Variants in MAP3K15 observed in about 807,000 individuals in gnomAD.
The protein encoded by MAP3K15 is mitogen-activated protein kinase kinase kinase 15, also known as MAPK/ERK kinase kinase 15.
A neutral mutation model predicts 99.5 loss-of-function variants in MAP3K15; 124 were observed. That is an observed-to-expected ratio of 1.25 (90% CI 1.08 to 1.45). The LOEUF (loss-of-function observed/expected upper bound fraction) is 1.45, where lower values mean the gene tolerates loss of function less well. Ranked by LOEUF, MAP3K15 falls within the 40% of genes most tolerant of loss-of-function variation. MAP3K15 has a pLI of 0.00. For missense variants in MAP3K15, 1,242 were observed against 1,079.7 expected (o/e 1.15, Z -2.11); for synonymous variants, 494 against 439.6 (o/e 1.12, Z -1.55).
intron 6 of MAP3K15, among the ~76,000 whole-genome samples, chrX:19,445,866 G>A (rs1334377401): frequency 9.1e-6 from 1 of 109,573 alleles, no homozygotes; most frequent in Non-Finnish European, 1.9e-5. Flanking sequence ...AGAACTGCTC[G>A]AACCCGGGAG....
At chrX:19,512,552 G>A (rs781041205) in intron 1 of MAP3K15, among the ~76,000 whole-genome samples, 2 of 110,478 alleles carry the variant, frequency 1.8e-5, no homozygotes, top group East Asian at 2.8e-4. Flanking sequence ...ACAGGTCACC[G>A]CAGCATCGAC....
intron 1 of MAP3K15, among the ~76,000 whole-genome samples, chrX:19,494,163 A>T (rs141731130): frequency 4.5e-5 from 5 of 111,040 alleles, no homozygotes; most frequent in Non-Finnish European, 7.5e-5. Context: ...TTGGTTTAGC[A>T]AACTTTAAGA....
In MAP3K15 at chrX:19,423,116, T is replaced by C. The variant is rs111623659; in HGVS notation, c.1439+2415A>G. Among the ~76,000 whole-genome samples, 30 of 110,200 alleles carry C rather than the reference T, an allele frequency of 2.7e-4. No individual in the cohort carries two copies. The South Asian group carries it at 4.7e-3, about 17-fold the overall frequency. On this transcript the variant is annotated intron_variant, in intron 9 of 28. Transcript: ENST00000338883. ...GGGTGCAGCACACCAACATGGCACA[T>C]GTATAGATATGTAAGTAACCTGCAC...
At chrX:19,373,775 G>A in intron 20 of MAP3K15, 80 bp from the exon 21 acceptor site, 1 of 1,064,747 alleles carries the variant, frequency 9.4e-7, no homozygotes, top group Non-Finnish European at 1.3e-6. Flanking sequence ...AGCCCCTCAA[G>A]CCCAGGTGAA....
At chrX:19,393,814 C>G (rs1382531584) in intron 16 of MAP3K15, among the ~76,000 whole-genome samples, 1 of 78,203 alleles carries the variant, frequency 1.3e-5, no homozygotes, top group East Asian at 4.6e-4. Context: ...ACTGTGTAAC[C>G]TAGAATGGAG....
Position 19,420,449 on chromosome X carries a change from A to C in MAP3K15, c.1439+5082T>G, listed in dbSNP as rs1214712722. On this transcript the variant is annotated intron_variant, in intron 9 of 28. Coordinates refer to ENST00000338883, the MANE Select transcript of MAP3K15 (RefSeq NM_001001671.4). ...CTAGAAAATCTAGAAGAAATGGATA[A>C]ATTCCTCGACACATACACCCTCCCA... 5.0e-4 allele frequency among the ~76,000 whole-genome samples: 56 copies of C among 111,582 alleles called. 1 individual carries two copies. Among genetic ancestry groups the C allele is most frequent in the African/African-American group, 5.5e-4 (17 of 30,755 alleles).
chrX:19,376,932 C>T (rs935148251), intron 19 of MAP3K15: 4 of 110,795 alleles, frequency 3.6e-5, no homozygotes, highest in African/African-American at 1.3e-4. Context: ...ACCAGTCATA[C>T]TGGATTAGGG....
intron 25 of MAP3K15, among the ~76,000 whole-genome samples, chrX:19,367,299 G>A (rs1170283990): frequency 9.0e-6 from 1 of 110,759 alleles, no homozygotes; most frequent in Non-Finnish European, 1.9e-5. Flanking sequence ...ACATAGAGGG[G>A]AACAACACAC....
chrX:19,473,525 C>T (rs1302974591), intron 3 of MAP3K15, among the ~76,000 whole-genome samples: 1 of 112,308 alleles, frequency 8.9e-6, no homozygotes, highest in Non-Finnish European at 1.9e-5. Flanking sequence ...ATTTAACAAA[C>T]GCAGTTTAGT....
At chrX:19,414,529 A>T (rs1045223312) in intron 10 of MAP3K15, among the ~76,000 whole-genome samples, 3 of 112,399 alleles carry the variant, frequency 2.7e-5, no homozygotes, top group Middle Eastern at 4.2e-3. Flanking sequence ...TGACTCTAAG[A>T]CGGTCATAAC....
At position 19,392,046 on chromosome X, in the gene MAP3K15, G is replaced by A. The variant is rs1196541709; in HGVS notation, c.2387C>T (p.Ser796Leu). The A allele has an allele frequency of 7.8e-5, 94 of 1,209,695 alleles. No individual in the cohort carries two copies. The highest frequency in any genetic ancestry group is 9.8e-5 in the Non-Finnish European group (88 of 894,776). ...GVVKISDFGT[S>L]KRLAGVNPCT... ...GGGGTTCACACCCGCAAGACGTTTC[G>A]AGGTTCCAAAATCGGAGATTTTCAC... The change falls in exon 18 of 29, where the codon TCG becomes TTG. Residue 796 changes from serine to leucine, a missense_variant. Coordinates refer to ENST00000338883, the MANE Select transcript of MAP3K15 (RefSeq NM_001001671.4).
intron 6 of MAP3K15, among the ~76,000 whole-genome samples, chrX:19,451,674 GAA>G (rs905829610): frequency 2.7e-5 from 3 of 109,436 alleles, no homozygotes; most frequent in African/African-American, 9.9e-5. Context: ...AAGGAAAACA[GAA>G]AATAAGTGTT....
chrX:19,362,940 A>C, intron 25 of MAP3K15, 90 bp from the exon 26 acceptor site: 2 of 507,131 alleles, frequency 3.9e-6, no homozygotes, highest in Non-Finnish European at 6.6e-6. Context: ...CATACATTAG[A>C]GATGGAAAAA....
chrX:19,443,957 T>C (rs2147331338), intron 6 of MAP3K15, among the ~76,000 whole-genome samples: 1 of 111,016 alleles, frequency 9.0e-6, no homozygotes, highest in South Asian at 3.8e-4. Flanking sequence ...TAATAGCCAT[T>C]TTTCCATAAA....
chrX:19,400,160 C>G (rs966290311), intron 14 of MAP3K15, among the ~76,000 whole-genome samples: 4 of 111,842 alleles, frequency 3.6e-5, no homozygotes, highest in African/African-American at 1.3e-4. Context: ...AGCTGATGAG[C>G]CTACTTTTTA....
intron 3 of MAP3K15, among the ~76,000 whole-genome samples, chrX:19,483,662 T>G (rs16997314): frequency 0.015 from 1,671 of 111,249 alleles, 33 homozygotes; most frequent in African/African-American, 0.052. Flanking sequence ...TGGGGTCGTA[T>G]GATCCAGGTG....
chrX:19,507,124 C>T (rs770288547), intron 1 of MAP3K15, among the ~76,000 whole-genome samples: 37 of 111,769 alleles, frequency 3.3e-4, no homozygotes, highest in African/African-American at 1.2e-3. Flanking sequence ...TAGAGGCTCT[C>T]ACTTACACAA....
intron 25 of MAP3K15, among the ~76,000 whole-genome samples, chrX:19,365,551 T>C (rs2063328865): frequency 2.7e-5 from 3 of 112,758 alleles, no homozygotes; most frequent in East Asian, 2.8e-4. Flanking sequence ...ATGCAGGTGA[T>C]TTTCAGCAAA....
chrX:19,433,237 A>T (rs2063897281), intron 6 of MAP3K15, among the ~76,000 whole-genome samples: 1 of 111,231 alleles, frequency 9.0e-6, no homozygotes, highest in African/African-American at 3.3e-5. Flanking sequence ...AAGGAAGACC[A>T]GAAAGCTAGT....
Sources: allele counts gnomAD v4.1 joint callset (sites outside exome capture counted in the v4.1 genomes callset), GRCh38; gene constraint gnomAD v4.1.1; transcripts MANE v1.5; gene names NCBI Gene and HGNC (gene_info 2026-07-23, HGNC 2026-07-21).